SPAG16: variants seen among roughly 807,000 people sequenced by gnomAD.
SPAG16 encodes sperm-associated antigen 16 protein.
Under a neutral mutation model 80.4 loss-of-function variants are expected in SPAG16, and 86 were observed. The observed-to-expected ratio is 1.07, with a 90% CI of 0.90 to 1.28. The LOEUF is 1.28. Ranked by LOEUF, SPAG16 falls within the 50% of genes most tolerant of loss-of-function variation. SPAG16 has a pLI of 0.00. For synonymous variants in SPAG16, 294 were observed against 265.9 expected, an observed-to-expected ratio of 1.11 and a Z score of -1.03; for missense variants, 870 against 765.3, an observed-to-expected ratio of 1.14 and a Z score of -1.61.
chr2:213,416,853 A>C (rs968498215), intron 9 of SPAG16, among the ~76,000 whole-genome samples: 3 of 152,232 alleles, frequency 2.0e-5, no homozygotes, highest in East Asian at 1.9e-4. Context: ...CAATGTGGTC[A>C]GGAGGCAAAA....
intron 10 of SPAG16, among the ~76,000 whole-genome samples, chr2:213,520,423 A>G (rs1035223453): frequency 4.0e-5 from 6 of 149,536 alleles, no homozygotes; most frequent in Admixed American, 6.6e-5. Context: ...CGTCTCTACT[A>G]AAAATACAAA....
chr2:214,410,217 AT>A lies in SPAG16; in HGVS notation c.1799del (p.Met600ArgfsTer73). On this transcript the variant is annotated frameshift_variant, in exon 16 of 16. Transcript: ENST00000331683. LOFTEE classifies it high-confidence loss of function. ...TAAATCTGGGGAGATTCACAAATTG[AT>A]GGGCCACGAAAACGAGGCACACACG... ...DLKSGEIHKL[M>X]GHENEAHTVV... is the part of the protein sequence containing the mutation. 1 of 1,613,678 alleles carries A rather than the reference AT, an allele frequency of 6.2e-7. No individual in the cohort carries two copies. The highest frequency in any genetic ancestry group is 8.5e-7 in the Non-Finnish European group (1 of 1,179,620).
intron 10 of SPAG16, among the ~76,000 whole-genome samples, chr2:213,628,023 T>C (rs1276766414): frequency 1.3e-5 from 2 of 152,236 alleles, no homozygotes; most frequent in Non-Finnish European, 2.9e-5. Flanking sequence ...AAGTAAGACA[T>C]GAGCCTTAGC....
At chr2:213,460,488 T>C (rs2072298517) in intron 9 of SPAG16, among the ~76,000 whole-genome samples, 1 of 152,224 alleles carries the variant, frequency 6.6e-6, no homozygotes, top group African/African-American at 2.4e-5. Context: ...ATGTGCTTGC[T>C]AATGTTGCAG....
At chr2:213,896,696 A>G (rs1383828711) in intron 11 of SPAG16, among the ~76,000 whole-genome samples, 2 of 151,834 alleles carry the variant, frequency 1.3e-5, no homozygotes, top group African/African-American at 4.8e-5. Context: ...TATATGATAG[A>G]ATATCATTTA....
At chr2:213,845,740 G>C (rs1204392397) in intron 10 of SPAG16, among the ~76,000 whole-genome samples, 2 of 152,164 alleles carry the variant, frequency 1.3e-5, no homozygotes, top group Non-Finnish European at 2.9e-5. Flanking sequence ...TGAAGCTCAG[G>C]CATCTGATAC....
chr2:213,662,899 C>CA (rs958397051), intron 10 of SPAG16, among the ~76,000 whole-genome samples: 6 of 151,596 alleles, frequency 4.0e-5, no homozygotes, highest in African/African-American at 1.2e-4. Flanking sequence ...AAATGAAGGA[C>CA]AAAAAAATAC....
At chr2:214,207,928 T>C (rs1215208382) in intron 15 of SPAG16, among the ~76,000 whole-genome samples, 1 of 152,232 alleles carries the variant, frequency 6.6e-6, no homozygotes, top group African/African-American at 2.4e-5. Context: ...ACACTAGTGG[T>C]TTGCCAGAGG....
intron 15 of SPAG16, among the ~76,000 whole-genome samples, chr2:214,275,966 T>A (rs1692434270): frequency 6.6e-6 from 1 of 152,202 alleles, no homozygotes; most frequent in Admixed American, 6.5e-5. Flanking sequence ...GCTTTATGCA[T>A]CTGGGTGCTC....
rs1409457262 is a variant in SPAG16 at position 213,894,574 on chromosome 2, A to AAT, written c.1214+31947_1214+31948insTA. ...CTTACCACTTTACCACTCTTATTCA[A>AAT]AACAGTACTGGAAACCCTGGCCAGA... On this transcript the variant is annotated intron_variant, in intron 11 of 15. Coordinates refer to ENST00000331683, the MANE Select transcript of SPAG16 (RefSeq NM_024532.5). 3.3e-5 allele frequency among the ~76,000 whole-genome samples: 5 copies of AAT among 152,270 alleles called. No homozygotes were observed. The South Asian group carries it at 1.0e-3, about 32-fold the overall frequency.
At chr2:214,119,514 C>A (rs535264121) in intron 14 of SPAG16, among the ~76,000 whole-genome samples, 137 of 152,154 alleles carry the variant, frequency 9.0e-4, no homozygotes, top group African/African-American at 3.2e-3. Flanking sequence ...GGGAGCCTCA[C>A]CTGACTTCAA....
chr2:213,882,923 A>G (rs1254350244), intron 11 of SPAG16, among the ~76,000 whole-genome samples: 2 of 152,026 alleles, frequency 1.3e-5, no homozygotes, highest in Non-Finnish European at 2.9e-5. Flanking sequence ...CCCAGGCTGG[A>G]GTGCAGTGGC....
At chr2:213,423,403 A>T (rs1427585283) in intron 9 of SPAG16, among the ~76,000 whole-genome samples, 1 of 152,216 alleles carries the variant, frequency 6.6e-6, no homozygotes, top group Non-Finnish European at 1.5e-5. Flanking sequence ...TTAATGATAC[A>T]GGATAGCAGT....
At chr2:213,691,227 A>G (rs2064932461) in intron 10 of SPAG16, among the ~76,000 whole-genome samples, 1 of 152,184 alleles carries the variant, frequency 6.6e-6, no homozygotes, top group Non-Finnish European at 1.5e-5. Context: ...AACCTTGTGT[A>G]ACCCTTTCCT....
chr2:213,376,364 T>TA (rs941230269), intron 9 of SPAG16, among the ~76,000 whole-genome samples: 1 of 152,068 alleles, frequency 6.6e-6, no homozygotes, highest in Non-Finnish European at 1.5e-5. Context: ...GACAAAAAGA[T>TA]ACTAAAATAT....
chr2:214,107,959 A>C (rs2034792794), intron 13 of SPAG16, among the ~76,000 whole-genome samples: 1 of 152,138 alleles, frequency 6.6e-6, no homozygotes, highest in Non-Finnish European at 1.5e-5. Flanking sequence ...TCAGTGGTGT[A>C]AAAGCAACAA....
At chr2:213,452,986 C>T (rs950237045) in intron 9 of SPAG16, among the ~76,000 whole-genome samples, 1 of 152,126 alleles carries the variant, frequency 6.6e-6, no homozygotes, top group Non-Finnish European at 1.5e-5. Context: ...GCTTTTAAGG[C>T]TATTAGTTCC....
chr2:213,699,911 A>G (rs1457732805), intron 10 of SPAG16, among the ~76,000 whole-genome samples: 1 of 152,206 alleles, frequency 6.6e-6, no homozygotes, highest in Non-Finnish European at 1.5e-5. Context: ...TGAGTCTGAT[A>G]GGACAGCTTG....
chr2:214,088,933 C>T (rs1321910580), intron 13 of SPAG16, among the ~76,000 whole-genome samples: 1 of 152,096 alleles, frequency 6.6e-6, no homozygotes, highest in African/African-American at 2.4e-5. Context: ...ACACCAATTT[C>T]ACTTTGGTAT....
Sources: gnomAD v4.1 joint callset for allele counts (sites outside exome capture counted in the v4.1 genomes callset) on GRCh38, gnomAD v4.1.1 for gene constraint, MANE v1.5 for transcripts, NCBI Gene and HGNC (gene_info 2026-07-23, HGNC 2026-07-21) for gene names.